Variants in MYRFL observed in about 807,000 individuals in gnomAD.
MYRFL encodes myelin regulatory factor-like protein.
MYRFL carries 88 observed loss-of-function variants against 109.4 expected under a neutral mutation model. That is an observed-to-expected ratio of 0.80 (90% confidence interval 0.68 to 0.96). The LOEUF (loss-of-function observed/expected upper bound fraction) is 0.96. Ranked by LOEUF, MYRFL falls within the 40% of genes least tolerant of loss-of-function variation. The pLI, the probability that MYRFL is intolerant of heterozygous loss-of-function variation, is 0.00. For synonymous variants in MYRFL, 324 were observed against 320.9 expected (o/e 1.01, Z -0.10); for missense variants, 957 against 954.9 (o/e 1.00, Z -0.03).
At chr12:69,860,903 C>A (rs1884616138) in intron 2 of MYRFL, among the ~76,000 whole-genome samples, 1 of 120,518 alleles carries the variant, frequency 8.3e-6, no homozygotes, top group Non-Finnish European at 1.7e-5. Context: ...CCCCCTCCCC[C>A]CACCCCACAA....
At chr12:69,868,724 C>T (rs1016189506) in intron 2 of MYRFL, among the ~76,000 whole-genome samples, 4 of 152,192 alleles carry the variant, frequency 2.6e-5, no homozygotes, top group African/African-American at 9.7e-5. Flanking sequence ...AAACCCTTTC[C>T]TGTATCAACT....
intron 13 of MYRFL, 52 bp from the exon 14 acceptor site, chr12:69,926,519 T>C: frequency 1.4e-6 from 2 of 1,420,932 alleles, no homozygotes; most frequent in Non-Finnish European, 1.8e-6. Flanking sequence ...GACAGCTTTG[T>C]AGTGATCTCA....
At chr12:69,835,176 G>A (rs1009857487) in intron 1 of MYRFL, among the ~76,000 whole-genome samples, 4 of 152,136 alleles carry the variant, frequency 2.6e-5, no homozygotes, top group East Asian at 1.9e-4. Flanking sequence ...AGGAAAGGCC[G>A]GGGTGGTATA....
intron 1 of MYRFL, among the ~76,000 whole-genome samples, chr12:69,837,592 T>C (rs542637830): frequency 2.6e-5 from 4 of 152,324 alleles, no homozygotes; most frequent in African/African-American, 9.6e-5. Context: ...ATCTCCTTCA[T>C]CCAGATGAGG....
intron 13 of MYRFL, among the ~76,000 whole-genome samples, chr12:69,924,263 A>G (rs529303223): frequency 6.6e-6 from 1 of 151,908 alleles, no homozygotes; most frequent in Non-Finnish European, 1.5e-5. Context: ...AACAGGATAC[A>G]TTCAGAGAAT....
At position 69,855,332 on chromosome 12, in the gene MYRFL, G is replaced by A; in HGVS notation, c.99G>A (p.Leu33=). 1 of 702,706 alleles carries A rather than the reference G, an allele frequency of 1.4e-6. No homozygotes were observed. Among genetic ancestry groups the A allele is most frequent in the Admixed American group, 2.0e-5 (1 of 50,016 alleles). The allele number at this position is 702,706 out of a possible 1,614,324, so 43.5% of individuals were successfully genotyped here. A position where few individuals can be genotyped will look rare whatever the true frequency, so the allele number is the denominator to read the frequency against. ...LENPALDTSL[L]EEFLGNDFDL... is the part of the protein sequence containing the mutation. Reference sequence around the variant, plus strand: ...ACCCAGCCCTGGACACAAGTCTGTTGGAGGAATTTCTGGGCAATGACTTTG... The same window carrying A: ...ACCCAGCCCTGGACACAAGTCTGTTAGAGGAATTTCTGGGCAATGACTTTG... Residue 33 remains leucine (L), a synonymous_variant, in exon 2 of 25, where the codon TTG becomes TTA. Transcript: ENST00000552032.
chr12:69,937,914 T>C (rs756150871), intron 19 of MYRFL, among the ~76,000 whole-genome samples: 2 of 152,260 alleles, frequency 1.3e-5, no homozygotes, highest in African/African-American at 2.4e-5. Context: ...GGTACTGTCA[T>C]AAGTAGTTTA....
At chr12:69,903,932 G>T in intron 11 of MYRFL, 88 bp downstream of exon 11, 11 of 1,211,042 alleles carry the variant, frequency 9.1e-6, no homozygotes, top group Non-Finnish European at 1.2e-5. Context: ...ACCTTGAACC[G>T]CACATCTTTA....
At chr12:69,875,635 A>C (rs1885613474) in intron 2 of MYRFL, among the ~76,000 whole-genome samples, 1 of 152,222 alleles carries the variant, frequency 6.6e-6, no homozygotes, top group Non-Finnish European at 1.5e-5. Flanking sequence ...GCCTCCTGTC[A>C]GATCAGCAGC....
chr12:69,942,960 G>C (rs1955709703), intron 19 of MYRFL, among the ~76,000 whole-genome samples: 1 of 151,878 alleles, frequency 6.6e-6, no homozygotes, highest in South Asian at 2.1e-4. Context: ...AAATACCTAG[G>C]AATCCAACTT....
At chr12:69,887,432 G>A (rs184627109) in intron 6 of MYRFL, among the ~76,000 whole-genome samples, 99 of 152,238 alleles carry the variant, frequency 6.5e-4, no homozygotes, top group African/African-American at 1.9e-3. Context: ...TGCAGCAATC[G>A]TGGTAGATGG....
intron 2 of MYRFL, among the ~76,000 whole-genome samples, chr12:69,856,554 C>A (rs1043247757): frequency 2.0e-5 from 3 of 151,956 alleles, no homozygotes; most frequent in African/African-American, 7.2e-5. Flanking sequence ...ATTGCCAATT[C>A]TTGGGTATTA....
chr12:69,958,825 A>AAGTT lies in MYRFL; in HGVS notation c.*295_*298dup, dbSNP rs1334292153. On this transcript the variant is annotated 3_prime_UTR_variant, in exon 25 of 25. Coordinates refer to ENST00000552032, the MANE Select transcript of MYRFL (RefSeq NM_182530.3). The stretch of plus-strand genomic sequence containing the variant: ...AATACTATTATTTCTGGTATTAAGG[A>AAGTT]AGTTGTGAGCTCAAAATAAGGAGAT... 3.6e-6 allele frequency: 1 copy of AAGTT among 277,586 alleles called. No individual in the cohort carries two copies. Among genetic ancestry groups the AAGTT allele is most frequent in the African/African-American group, 2.3e-5 (1 of 44,324 alleles). 17.2% of individuals were successfully genotyped at this position (277,586 alleles called of 1,614,324 possible).
At chr12:69,835,598 A>T (rs971495205) in intron 1 of MYRFL, among the ~76,000 whole-genome samples, 1 of 152,204 alleles carries the variant, frequency 6.6e-6, no homozygotes, top group African/African-American at 2.4e-5. Context: ...CTGTATATGT[A>T]GTGGATTCCG....
chr12:69,952,168 G>T lies in MYRFL; in HGVS notation c.2280G>T (p.Glu760Asp). ...ATGCACTCAGCGGCCCTGACTGGGA[G>T]AGTGACTGTAAGTTGACATTTAAGT... ...ARNALSGPDW[E>D]SDWIDTTISS... Residue 760 changes from glutamate to aspartate, a missense_variant, in exon 20 of 25, where the codon GAG (glutamate) becomes GAT (aspartate). Physicochemically the swap from Glu to Asp is conservative, Grantham distance 45. Transcript: ENST00000552032. 6.5e-7 allele frequency: 1 copy of T among 1,536,140 alleles called. No homozygotes were observed. The highest frequency in any genetic ancestry group is 8.7e-7 in the Non-Finnish European group (1 of 1,146,886).
chr12:69,957,720 C>T, intron 22 of MYRFL, 102 bp from the exon 23 acceptor site: 1 of 1,364,204 alleles, frequency 7.3e-7, no homozygotes, highest in Non-Finnish European at 9.6e-7. Flanking sequence ...GAATGGATTT[C>T]CAAGTTACGT....
intron 19 of MYRFL, among the ~76,000 whole-genome samples, chr12:69,938,511 C>G (rs538481547): frequency 6.6e-6 from 1 of 152,240 alleles, no homozygotes; most frequent in East Asian, 1.9e-4. Context: ...CAACAATGGA[C>G]CATATATACA....
chr12:69,954,816 G>A (rs1386309944), intron 21 of MYRFL, among the ~76,000 whole-genome samples: 2 of 152,060 alleles, frequency 1.3e-5, no homozygotes, highest in Non-Finnish European at 2.9e-5. Context: ...AGGTGTGGGG[G>A]GAATCTATGT....
chr12:69,877,028 T>TTCTTTCTTTCTTTCTTTCTTTC, intron 2 of MYRFL, among the ~76,000 whole-genome samples: 1 of 130,242 alleles, frequency 7.7e-6, no homozygotes. Flanking sequence ...TCTTTCTTTT[T>TTCTTTCTTTCTTTCTTTCTTTC]TTTTTTTTTT....
Sources: allele counts gnomAD v4.1 joint callset (sites outside exome capture counted in the v4.1 genomes callset), GRCh38; gene constraint gnomAD v4.1.1; transcripts MANE v1.5; gene names NCBI Gene and HGNC (gene_info 2026-07-23, HGNC 2026-07-21).